The following UTRN variants were observed in gnomAD, a reference collection of about 807,000 sequenced individuals.
UTRN encodes utrophin, also known as dystrophin-related protein 1.
Under a neutral mutation model 463.9 loss-of-function variants are expected in UTRN, and 283 were observed. The ratio of observed to expected loss-of-function variants is 0.61; its 90% confidence interval spans 0.55 to 0.67. UTRN has a LOEUF of 0.67. Among genes scored for constraint, UTRN ranks in the 30% least tolerant of loss-of-function variants. The probability of loss-of-function intolerance (pLI) is 0.00; values close to 1 mark genes in which losing one functional copy is unlikely to be tolerated. For missense variants in UTRN, 3,922 were observed against 4,084.3 expected (o/e 0.96, Z 1.08); for synonymous variants, 1,442 against 1,431.5 (o/e 1.01, Z -0.17).
intron 2 of UTRN, 114 bp from the exon 3 acceptor site, chr6:144,403,009 C>A: frequency 1.1e-6 from 1 of 903,014 alleles, no homozygotes; most frequent in Non-Finnish European, 1.7e-6. Context: ...GCTCAAGGAG[C>A]TCGACTAATA....
intron 23 of UTRN, among the ~76,000 whole-genome samples, chr6:144,469,484 A>C (rs1790287443): frequency 1.3e-5 from 2 of 152,186 alleles, no homozygotes; most frequent in Non-Finnish European, 1.5e-5. Flanking sequence ...TTAGTTTCTC[A>C]AGGCCCCATG....
At chr6:144,822,013 G>A (rs961382033) in intron 66 of UTRN, among the ~76,000 whole-genome samples, 2 of 152,056 alleles carry the variant, frequency 1.3e-5, no homozygotes, top group South Asian at 4.1e-4. Flanking sequence ...AGAGAAAATT[G>A]TAGTAAGAAG....
rs533085347 is a variant in UTRN, at chr6:144,679,298, A to G, written c.7652+720A>G. The stretch of plus-strand genomic sequence containing the variant: ...TGTTATTGGGATCAAGAATATTTTA[A>G]GATCATATTTAATAGAGAGTGGACA... On this transcript the variant is annotated intron_variant, in intron 52 of 74. Coordinates refer to ENST00000367545, the MANE Select transcript of UTRN (RefSeq NM_007124.3). Among the ~76,000 whole-genome samples the G allele has an allele frequency of 2.0e-5, 3 of 152,280 alleles. No individual in the cohort carries two copies. The East Asian group carries it at 5.8e-4, about 29-fold the overall frequency.
At chr6:144,395,815 T>G (rs774357605) in intron 2 of UTRN, among the ~76,000 whole-genome samples, 1 of 152,136 alleles carries the variant, frequency 6.6e-6, no homozygotes, top group Non-Finnish European at 1.5e-5. Flanking sequence ...TGTTAGGTAG[T>G]TTCTGTGTTT....
intron 52 of UTRN, among the ~76,000 whole-genome samples, chr6:144,698,422 A>G (rs1385407900): frequency 6.6e-6 from 1 of 152,262 alleles, no homozygotes; most frequent in African/African-American, 2.4e-5. Flanking sequence ...TTCTGTATTT[A>G]AACTTTTTTT....
intron 50 of UTRN, among the ~76,000 whole-genome samples, chr6:144,561,858 C>T (rs1279863673): frequency 6.6e-6 from 1 of 152,152 alleles, no homozygotes; most frequent in Non-Finnish European, 1.5e-5. Flanking sequence ...TAATGTCTTT[C>T]TGATAAGTCC....
chr6:144,633,532 T>G (rs1282390345), intron 51 of UTRN, among the ~76,000 whole-genome samples: 1 of 152,228 alleles, frequency 6.6e-6, no homozygotes, highest in Non-Finnish European at 1.5e-5. Flanking sequence ...GCGCCCGGCC[T>G]GCTTCTCCAT....
intron 9 of UTRN, among the ~76,000 whole-genome samples, chr6:144,432,827 C>T (rs1459828245): frequency 1.3e-5 from 2 of 152,118 alleles, no homozygotes; most frequent in Non-Finnish European, 2.9e-5. Context: ...GCAGAGGACC[C>T]TGCGGCCTTC....
At chr6:144,298,997 G>T (rs1006031150) in intron 2 of UTRN, among the ~76,000 whole-genome samples, 1 of 151,884 alleles carries the variant, frequency 6.6e-6, no homozygotes, top group Non-Finnish European at 1.5e-5. Context: ...AAGATTTTTG[G>T]TGCAGGAAAT....
chr6:144,319,488 A>G (rs1247923178), intron 2 of UTRN, among the ~76,000 whole-genome samples: 1 of 152,242 alleles, frequency 6.6e-6, no homozygotes, highest in East Asian at 1.9e-4. Flanking sequence ...GCAAAGGACG[A>G]AGCCTAGTAC....
chr6:144,317,486 T>G (rs1355859717), intron 2 of UTRN, among the ~76,000 whole-genome samples: 1 of 152,132 alleles, frequency 6.6e-6, no homozygotes, highest in Admixed American at 6.6e-5. Flanking sequence ...AACCTCTGCC[T>G]CTCGGGTTCA....
chr6:144,724,390 G>A (rs1045195485), intron 53 of UTRN, among the ~76,000 whole-genome samples: 3 of 151,618 alleles, frequency 2.0e-5, no homozygotes, highest in Admixed American at 6.6e-5. Context: ...CACCACGCCT[G>A]GCTAATTTTT....
At chr6:144,704,860 G>A (rs1784931929) in intron 53 of UTRN, among the ~76,000 whole-genome samples, 1 of 152,098 alleles carries the variant, frequency 6.6e-6, no homozygotes, top group South Asian at 2.1e-4. Flanking sequence ...TATTTGGGAG[G>A]CTGAAGCAGG....
At chr6:144,445,504 A>G (rs1787584628) in intron 14 of UTRN, among the ~76,000 whole-genome samples, 1 of 151,946 alleles carries the variant, frequency 6.6e-6, no homozygotes, top group African/African-American at 2.4e-5. Context: ...GGCTTACTAA[A>G]TATGGTGGCA....
chr6:144,837,526 C>T (rs1204002038), intron 71 of UTRN, among the ~76,000 whole-genome samples: 1 of 152,236 alleles, frequency 6.6e-6, no homozygotes, highest in Non-Finnish European at 1.5e-5. Context: ...GAATCCCTGA[C>T]ATCAACATGC....
intron 51 of UTRN, among the ~76,000 whole-genome samples, chr6:144,671,385 A>AT (rs1020561858): frequency 2.0e-5 from 3 of 148,610 alleles, no homozygotes; most frequent in East Asian, 2.0e-4. Flanking sequence ...TAAGTATTTT[A>AT]TTTTTTTTAC....
intron 2 of UTRN, among the ~76,000 whole-genome samples, chr6:144,353,227 A>T (rs1778265861): frequency 6.6e-6 from 1 of 151,506 alleles, no homozygotes; most frequent in African/African-American, 2.4e-5. Flanking sequence ...CGATTCCCTT[A>T]CCTCAGCCTC....
intron 3 of UTRN, among the ~76,000 whole-genome samples, chr6:144,408,497 AAT>A (rs1783613824): frequency 6.6e-6 from 1 of 152,252 alleles, no homozygotes; most frequent in South Asian, 2.1e-4. Context: ...AGGCTTCACA[AAT>A]AAAGGTTAGG....
At chr6:144,711,348 G>C (rs747433692) in intron 53 of UTRN, among the ~76,000 whole-genome samples, 1 of 151,484 alleles carries the variant, frequency 6.6e-6, no homozygotes, top group Non-Finnish European at 1.5e-5. Flanking sequence ...AAAAAAAGCA[G>C]CTTACTAATA....
Sources: allele counts gnomAD v4.1 joint callset (sites outside exome capture counted in the v4.1 genomes callset), GRCh38; gene constraint gnomAD v4.1.1; transcripts MANE v1.5; gene names NCBI Gene and HGNC (gene_info 2026-07-23, HGNC 2026-07-21).